CDCA2: variants seen among roughly 807,000 people sequenced by gnomAD.
CDCA2 encodes cell division cycle associated 2, also known as cell division cycle-associated protein 2.
Under a neutral mutation model 67.0 loss-of-function variants are expected in CDCA2, and 44 were observed. The ratio of observed to expected loss-of-function variants is 0.66; its 90% confidence interval spans 0.52 to 0.84. The LOEUF is 0.84. Ranked by LOEUF, CDCA2 falls within the 40% of genes least tolerant of loss-of-function variation. The pLI is 0.00. For synonymous variants in CDCA2, 447 were observed against 418.7 expected, an observed-to-expected ratio of 1.07 and a Z score of -0.82; for missense variants, 1,253 against 1,203.2, an observed-to-expected ratio of 1.04 and a Z score of -0.61.
chr8:25,491,406 A>G (rs1307742350), intron 13 of CDCA2, among the ~76,000 whole-genome samples: 5 of 152,200 alleles, frequency 3.3e-5, no homozygotes, highest in African/African-American at 1.2e-4. Flanking sequence ...TGTAACTGTG[A>G]AACTGAACAA....
intron 14 of CDCA2, 62 bp from the exon 15 acceptor site, chr8:25,506,448 A>G: frequency 2.1e-6 from 3 of 1,399,514 alleles, no homozygotes; most frequent in Non-Finnish European, 2.9e-6. Context: ...TATTTAATAA[A>G]TGTAAAGTTC....
chr8:25,490,775 T>C (rs1179076137), intron 13 of CDCA2, among the ~76,000 whole-genome samples: 2 of 152,158 alleles, frequency 1.3e-5, no homozygotes, highest in Non-Finnish European at 2.9e-5. Flanking sequence ...GACAGCCAGC[T>C]CTTGCCCTAA....
At position 25,502,116 on chromosome 8, in the gene CDCA2, C is replaced by T. The variant is rs574352534; in HGVS notation, c.1672-1257C>T. Among the ~76,000 whole-genome samples the T allele has an allele frequency of 1.1e-4, 16 of 152,146 alleles. No individual in the cohort carries two copies. The East Asian group carries it at 3.1e-3, about 30-fold the overall frequency. On this transcript the variant is annotated intron_variant, in intron 13 of 14. Transcript: ENST00000330560. ...TTCACCATGTTGGCCAGGATGGTCTCGATCTCCTGACCTTGTGATCTGCCC... is the reference window on the plus strand; with the variant it reads ...TTCACCATGTTGGCCAGGATGGTCTTGATCTCCTGACCTTGTGATCTGCCC...
chr8:25,487,549 GGC>G (rs1803829182), intron 12 of CDCA2, among the ~76,000 whole-genome samples: 1 of 152,098 alleles, frequency 6.6e-6, no homozygotes, highest in Non-Finnish European at 1.5e-5. Context: ...AGACCATTCT[GGC>G]TAACACGGTA....
At chr8:25,461,084 A>G (rs905909684) in intron 3 of CDCA2, among the ~76,000 whole-genome samples, 1 of 152,108 alleles carries the variant, frequency 6.6e-6, no homozygotes, top group Non-Finnish European at 1.5e-5. Flanking sequence ...CCTGACCAAC[A>G]TAGAGAAACC....
intron 13 of CDCA2, 69 bp downstream of exon 13, chr8:25,488,758 A>C (rs1803882873): frequency 8.7e-6 from 12 of 1,386,950 alleles, no homozygotes; most frequent in Non-Finnish European, 1.1e-5. Context: ...AATTAGGAAA[A>C]TATAGAAACA....
At chr8:25,491,888 C>T (rs1804018836) in intron 13 of CDCA2, among the ~76,000 whole-genome samples, 1 of 152,058 alleles carries the variant, frequency 6.6e-6, no homozygotes, top group African/African-American at 2.4e-5. Flanking sequence ...ACCTCCACCT[C>T]CTGGGTTCAA....
Position 25,506,567 on chromosome 8 carries a change from A to G in CDCA2, c.1901A>G (p.Lys634Arg), listed in dbSNP as rs1804683983. The change falls in exon 15 of 15, where the codon AAA (lysine) becomes AGA (arginine). Residue 634 changes from lysine to arginine, a missense_variant. Transcript: ENST00000330560. ...GTGAAGACTCCTAAAAATCCAGTGA[A>G]AAGAAAGGATCTTTTGCGTCATGAC... ...EEVKTPKNPV[K>R]RKDLLRHDPD... The G allele has an allele frequency of 6.3e-7, 1 of 1,599,786 alleles. No homozygotes were observed. The highest frequency in any genetic ancestry group is 1.8e-5 in the Admixed American group (1 of 55,850).
intron 13 of CDCA2, among the ~76,000 whole-genome samples, chr8:25,492,914 G>C (rs1395180264): frequency 1.3e-5 from 2 of 152,146 alleles, no homozygotes; most frequent in African/African-American, 2.4e-5. Flanking sequence ...CCAGACCCCT[G>C]GGTTTAAATC....
chr8:25,507,662 C>T lies in CDCA2; in HGVS notation c.2996C>T (p.Ser999Phe). 1 of 1,614,184 alleles carries T rather than the reference C, an allele frequency of 6.2e-7. No homozygotes were observed. The highest frequency in any genetic ancestry group is 8.5e-7 in the Non-Finnish European group (1 of 1,180,026). ...CAGTTCAAAGGCTACCGGAGAAGAT[C>T]CTCTCTTAATGGGAAGGGAGAGAGC... Reference protein sequence around the residue: ...TSQFKGYRRRSSLNGKGESSL... With the variant: ...TSQFKGYRRRFSLNGKGESSL... The change falls in exon 15 of 15, where the codon TCC (serine) becomes TTC (phenylalanine). Residue 999 changes from serine (S) to phenylalanine (F), a missense_variant. Ser to Phe is a radical substitution (Grantham distance 155). Coordinates refer to ENST00000330560, the MANE Select transcript of CDCA2 (RefSeq NM_152562.4).
chr8:25,463,290 G>C (rs1026837309), intron 4 of CDCA2, among the ~76,000 whole-genome samples: 1 of 152,166 alleles, frequency 6.6e-6, no homozygotes, highest in Non-Finnish European at 1.5e-5. Flanking sequence ...GTCAGATACA[G>C]TCTTGTGCTA....
chr8:25,498,647 G>A (rs1023159671), intron 13 of CDCA2, among the ~76,000 whole-genome samples: 3 of 151,934 alleles, frequency 2.0e-5, no homozygotes, highest in Admixed American at 6.6e-5. Context: ...GTTCAGGGTC[G>A]CAGCCAAGAT....
chr8:25,493,054 G>T (rs1804075263), intron 13 of CDCA2, among the ~76,000 whole-genome samples: 1 of 152,130 alleles, frequency 6.6e-6, no homozygotes, highest in African/African-American at 2.4e-5. Flanking sequence ...ATGAATTCAT[G>T]CATGCTCAAC....
chr8:25,465,908 G>A (rs1802880436), intron 4 of CDCA2, among the ~76,000 whole-genome samples: 1 of 152,018 alleles, frequency 6.6e-6, no homozygotes, highest in Admixed American at 6.5e-5. Flanking sequence ...TCCCTTTTTT[G>A]TTGCACCATC....
chr8:25,481,033 G>T (rs201466484), intron 8 of CDCA2, among the ~76,000 whole-genome samples: 2 of 152,162 alleles, frequency 1.3e-5, no homozygotes, highest in East Asian at 3.9e-4. Context: ...GTTCTGATTT[G>T]TTCTGAAGCC....
rs71511103 is a variant in CDCA2, at chr8:25,478,888, G to GTATATATATA, written c.821-1009_821-1000dup. On this transcript the variant is annotated intron_variant, in intron 7 of 14. Coordinates refer to ENST00000330560, the MANE Select transcript of CDCA2 (RefSeq NM_152562.4). ...TATATTAACTACTTGTTGTGTGTGT[G>GTATATATATA]TATATATATATATATATATATATAT... Among the ~76,000 whole-genome samples the GTATATATATA allele has an allele frequency of 3.2e-4, 36 of 111,590 alleles. No homozygotes were observed. The South Asian group carries it at 7.3e-3, about 23-fold the overall frequency. The allele number at this position is 111,590 out of a possible 152,430, so 73.2% of individuals were successfully genotyped here. A position where few individuals can be genotyped will look rare whatever the true frequency, so the allele number is the denominator to read the frequency against.
intron 8 of CDCA2, among the ~76,000 whole-genome samples, chr8:25,481,477 T>G (rs1283782135): frequency 2.0e-5 from 3 of 151,926 alleles, no homozygotes; most frequent in Non-Finnish European, 4.4e-5. Context: ...GATCACAAGG[T>G]CAGGAGATAG....
At position 25,488,698 on chromosome 8, in the gene CDCA2, G is replaced by A. The variant is rs1027150546; in HGVS notation, c.1671+9G>A. On this transcript the variant is annotated intron_variant, in intron 13 of 14. Transcript: ENST00000330560. ...TTCCTAAGAAGAGTCAGGTAAGCAT[G>A]TGTTTAAAGATATAATAAAGAGTAG... 1.9e-6 allele frequency: 3 copies of A among 1,593,012 alleles called. No homozygotes were observed. Among genetic ancestry groups the A allele is most frequent in the Non-Finnish European group, 2.6e-6 (3 of 1,173,010 alleles).
At chr8:25,499,478 A>G (rs968323667) in intron 13 of CDCA2, among the ~76,000 whole-genome samples, 2 of 151,290 alleles carry the variant, frequency 1.3e-5, no homozygotes, top group Non-Finnish European at 2.9e-5. Flanking sequence ...TAATTTTTGT[A>G]TTTTTGGTAG....
Sources: gnomAD v4.1 joint callset for allele counts (sites outside exome capture counted in the v4.1 genomes callset) on GRCh38, gnomAD v4.1.1 for gene constraint, MANE v1.5 for transcripts, NCBI Gene and HGNC (gene_info 2026-07-23, HGNC 2026-07-21) for gene names.